The following THSD4 variants were observed in gnomAD, a reference collection of about 807,000 sequenced individuals.
The protein encoded by THSD4 is thrombospondin type 1 domain containing 4, also known as thrombospondin type-1 domain-containing protein 4.
Under a neutral mutation model 119.0 loss-of-function variants are expected in THSD4, and 69 were observed. The ratio of observed to expected loss-of-function variants is 0.58; its 90% CI spans 0.48 to 0.71. The LOEUF (loss-of-function observed/expected upper bound fraction) is 0.71. Among genes scored for constraint, THSD4 ranks in the 30% least tolerant of loss-of-function variants. The pLI is 0.00. For missense variants in THSD4, 1,393 were observed against 1,391.1 expected, an observed-to-expected ratio of 1.00 and a Z score of -0.02; for synonymous variants, 524 against 540.4, an observed-to-expected ratio of 0.97 and a Z score of 0.42.
intron 7 of THSD4, among the ~76,000 whole-genome samples, chr15:71,592,022 A>G (rs546689163): frequency 6.6e-6 from 1 of 152,174 alleles, no homozygotes; most frequent in South Asian, 2.1e-4. Flanking sequence ...AAGACGAGGA[A>G]AAGAGAGCTG....
intron 7 of THSD4, among the ~76,000 whole-genome samples, chr15:71,447,125 T>TTG (rs1217388281): frequency 1.9e-4 from 26 of 138,824 alleles, no homozygotes; most frequent in Middle Eastern, 3.5e-3. Context: ...TTTGTTTTTT[T>TTG]TTTTTTTTTT....
In THSD4 at chr15:71,563,238, T is replaced by C. The variant is rs183497729; in HGVS notation, c.1153-97292T>C. Among the ~76,000 whole-genome samples, 685 of 152,220 alleles carry C rather than the reference T, an allele frequency of 4.5e-3. 9 individuals carry two copies. The highest frequency in any genetic ancestry group is 0.016 in the African/African-American group (653 of 41,544). On this transcript the variant is annotated intron_variant, in intron 7 of 17. Coordinates refer to ENST00000261862, the MANE Select transcript of THSD4 (RefSeq NM_024817.3). ...AGCAGAAAAGCTGTATCATGACTGA[T>C]GAGGACCCCCATCAGAGGCAAGAGG...
rs767074013 is a variant in THSD4, at chr15:71,765,185, A to G, written c.2755A>G (p.Thr919Ala). The G allele has an allele frequency of 1.2e-6, 2 of 1,614,096 alleles. No homozygotes were observed. The highest frequency in any genetic ancestry group is 1.1e-5 in the South Asian group (1 of 91,078). The change falls in exon 16 of 18, where the codon ACC becomes GCC. Residue 919 changes from threonine to alanine, a missense_variant. By Grantham distance (58) the Thr-to-Ala change is moderately conservative (BLOSUM62 0). Transcript: ENST00000261862. ...LKPCGAKWFSTEWSMCSKSCQ... is the reference protein window; with the variant it reads ...LKPCGAKWFSAEWSMCSKSCQ... ...GCCTTGCGGAGCCAAATGGTTTAGCACCGAATGGAGCATGGTAAGTCATGG... is the reference window on the plus strand; with the variant it reads ...GCCTTGCGGAGCCAAATGGTTTAGCGCCGAATGGAGCATGGTAAGTCATGG...
intron 7 of THSD4, among the ~76,000 whole-genome samples, chr15:71,514,462 C>T (rs1228417441): frequency 1.3e-5 from 2 of 152,180 alleles, no homozygotes; most frequent in Admixed American, 6.5e-5. Flanking sequence ...AGTCCCACCT[C>T]TCCTAGAGCT....
At chr15:71,745,261 G>C (rs143257420) in intron 12 of THSD4, 26 bp downstream of exon 12, 12 of 1,612,602 alleles carry the variant, frequency 7.4e-6, no homozygotes, top group Non-Finnish European at 1.0e-5. Context: ...CATTTAGGTC[G>C]CCTATTACCG....
At chr15:71,109,114 T>C (rs574853591) in intron 1 of THSD4, among the ~76,000 whole-genome samples, 1 of 152,362 alleles carries the variant, frequency 6.6e-6, no homozygotes, top group South Asian at 2.1e-4. Context: ...AAGCTGGTCC[T>C]GAACACTGAT....
intron 7 of THSD4, among the ~76,000 whole-genome samples, chr15:71,643,384 G>T (rs958566784): frequency 6.6e-6 from 1 of 152,142 alleles, no homozygotes; most frequent in African/African-American, 2.4e-5. Context: ...ACAGGGGCTT[G>T]TTGTACAGAT....
intron 7 of THSD4, among the ~76,000 whole-genome samples, chr15:71,596,325 T>A (rs535275622): frequency 6.6e-6 from 1 of 152,304 alleles, no homozygotes; most frequent in South Asian, 2.1e-4. Context: ...CTCTCTTTCT[T>A]CTTCTTCTCC....
chr15:71,689,788 G>C (rs982590928), intron 8 of THSD4, among the ~76,000 whole-genome samples: 1 of 152,192 alleles, frequency 6.6e-6, no homozygotes, highest in Non-Finnish European at 1.5e-5. Flanking sequence ...CTGGACAATG[G>C]AAGAGATTCC....
chr15:71,561,879 C>CAG (rs1411868587), intron 7 of THSD4, among the ~76,000 whole-genome samples: 17 of 31,728 alleles, frequency 5.4e-4, no homozygotes, highest in African/African-American at 1.9e-3. Context: ...CACACACACA[C>CAG]ACACACACAC....
chr15:71,507,272 T>C (rs1171768844), intron 7 of THSD4, among the ~76,000 whole-genome samples: 4 of 152,202 alleles, frequency 2.6e-5, no homozygotes, highest in Non-Finnish European at 2.9e-5. Context: ...TGTATGTTTT[T>C]AATATTCCCT....
intron 6 of THSD4, among the ~76,000 whole-genome samples, chr15:71,321,413 G>A (rs368830070): frequency 7.9e-5 from 12 of 152,148 alleles, no homozygotes; most frequent in Non-Finnish European, 1.0e-4. Context: ...GCAGGCGCCT[G>A]TAATTTCAGC....
At chr15:71,229,717 G>C (rs796426232) in intron 4 of THSD4, among the ~76,000 whole-genome samples, 1 of 152,178 alleles carries the variant, frequency 6.6e-6, no homozygotes, top group South Asian at 2.1e-4. Flanking sequence ...GTAAACTCGA[G>C]TAGAGATCTC....
At chr15:71,391,097 C>T (rs1159916032) in intron 6 of THSD4, among the ~76,000 whole-genome samples, 4 of 150,710 alleles carry the variant, frequency 2.7e-5, no homozygotes, top group South Asian at 2.1e-4. Context: ...GGCACAATCT[C>T]GGCTCACTGC....
intron 6 of THSD4, among the ~76,000 whole-genome samples, chr15:71,365,923 CTGTGTAG>C (rs2045955997): frequency 1.3e-5 from 2 of 152,144 alleles, no homozygotes; most frequent in Non-Finnish European, 2.9e-5. Context: ...TCCATCTAGC[CTGTGTAG>C]TGATCAAAAC....
intron 6 of THSD4, among the ~76,000 whole-genome samples, chr15:71,318,336 G>A (rs557803750): frequency 1.3e-5 from 2 of 152,278 alleles, no homozygotes; most frequent in Admixed American, 6.5e-5. Flanking sequence ...CAGACAGAGA[G>A]CCAGGGAATG....
At chr15:71,224,818 C>A (rs1225607541) in intron 4 of THSD4, among the ~76,000 whole-genome samples, 2 of 152,154 alleles carry the variant, frequency 1.3e-5, no homozygotes, top group Non-Finnish European at 1.5e-5. Context: ...TCCTACCTCC[C>A]ACTTATAAGG....
At chr15:71,627,479 C>A (rs1268652456) in intron 7 of THSD4, among the ~76,000 whole-genome samples, 2 of 152,192 alleles carry the variant, frequency 1.3e-5, no homozygotes, top group Non-Finnish European at 2.9e-5. Context: ...CTGTAAATGG[C>A]AGCCCCTTCA....
intron 2 of THSD4, among the ~76,000 whole-genome samples, chr15:71,149,150 T>C (rs2040695087): frequency 6.6e-6 from 1 of 152,084 alleles, no homozygotes. Flanking sequence ...GCCATTCTCT[T>C]GCCTCAGCCT....
Sources: allele counts gnomAD v4.1 joint callset (sites outside exome capture counted in the v4.1 genomes callset), GRCh38; gene constraint gnomAD v4.1.1; transcripts MANE v1.5; gene names NCBI Gene and HGNC (gene_info 2026-07-23, HGNC 2026-07-21).